TRAPPC11: variants seen among roughly 807,000 people sequenced by gnomAD.
TRAPPC11 encodes foie gras homolog.
Under a neutral mutation model 151.2 loss-of-function variants are expected in TRAPPC11, and 104 were observed. The ratio of observed to expected loss-of-function variants is 0.69; its 90% CI spans 0.59 to 0.81. TRAPPC11 has a LOEUF of 0.81. Among genes scored for constraint, TRAPPC11 ranks in the 30% least tolerant of loss-of-function variants. TRAPPC11 has a pLI of 0.00. For missense variants in TRAPPC11, 1,230 were observed against 1,349.6 expected (o/e 0.91, Z 1.39); for synonymous variants, 456 against 472.3 (o/e 0.97, Z 0.45).
At chr4:183,668,226 CA>C in intron 5 of TRAPPC11, 109 bp downstream of exon 5, 2 of 631,618 alleles carry the variant, frequency 3.2e-6, no homozygotes, top group Admixed American at 6.4e-5. Context: ...GAAAAACATT[CA>C]TATGATACAG....
At chr4:183,661,747 T>C (rs1052698382) in intron 1 of TRAPPC11, among the ~76,000 whole-genome samples, 1 of 149,360 alleles carries the variant, frequency 6.7e-6, no homozygotes, top group Non-Finnish European at 1.5e-5. Context: ...GATAATTTTG[T>C]TTGGAATAAC....
chr4:183,669,308 AAG>A (rs1224332570), intron 5 of TRAPPC11, among the ~76,000 whole-genome samples: 1 of 152,158 alleles, frequency 6.6e-6, no homozygotes, highest in African/African-American at 2.4e-5. Context: ...GAACAGAGAG[AAG>A]AGAGGGGCAG....
chr4:183,672,765 A>G (rs1735215346), intron 5 of TRAPPC11, among the ~76,000 whole-genome samples: 1 of 152,180 alleles, frequency 6.6e-6, no homozygotes, highest in Admixed American at 6.5e-5. Flanking sequence ...CTCTAAGTAC[A>G]CATTCAGCTT....
chr4:183,667,590 A>G (rs565658781), intron 4 of TRAPPC11, among the ~76,000 whole-genome samples: 3 of 152,320 alleles, frequency 2.0e-5, no homozygotes, highest in African/African-American at 7.2e-5. Context: ...AAAATGTCTT[A>G]GTTTCAGATT....
At chr4:183,671,835 A>G (rs925923830) in intron 5 of TRAPPC11, among the ~76,000 whole-genome samples, 3 of 152,250 alleles carry the variant, frequency 2.0e-5, no homozygotes, top group African/African-American at 4.8e-5. Context: ...TGATCTTTAT[A>G]TGAATATTGC....
Position 183,694,000 on chromosome 4 carries a change from A to C in TRAPPC11, c.2470A>C (p.Thr824Pro). The C allele has an allele frequency of 6.2e-7, 1 of 1,614,018 alleles. No homozygotes were observed. The highest frequency in any genetic ancestry group is 8.5e-7 in the Non-Finnish European group (1 of 1,179,884). The stretch of plus-strand genomic sequence containing the variant: ...TGATGAATCCTACCCGGCTTTACTC[A>C]CTGACATTCCTGTTGGAGACTTACA... The part of the protein sequence containing the change: ...LCDESYPALL[T>P]DIPVGDLHPG... The change falls in exon 22 of 30, where the codon ACT becomes CCT. Residue 824 changes from threonine (T) to proline (P), a missense_variant. Coordinates refer to ENST00000334690, the MANE Select transcript of TRAPPC11 (RefSeq NM_021942.6).
intron 15 of TRAPPC11, 60 bp downstream of exon 15, chr4:183,684,901 C>T: frequency 6.6e-7 from 1 of 1,504,952 alleles, no homozygotes; most frequent in Non-Finnish European, 9.1e-7. Flanking sequence ...CATCTTTAAG[C>T]TTTTTAAAAT....
chr4:183,687,244 A>G (rs1736024566), intron 18 of TRAPPC11, among the ~76,000 whole-genome samples: 1 of 151,946 alleles, frequency 6.6e-6, no homozygotes, highest in Non-Finnish European at 1.5e-5. Flanking sequence ...TGCTTACTCC[A>G]ATTTTTGTTT....
chr4:183,692,101 T>C (rs75621664), intron 19 of TRAPPC11, among the ~76,000 whole-genome samples: 2,939 of 152,292 alleles, frequency 0.019, 61 homozygotes, highest in East Asian at 0.062. Flanking sequence ...TGTGTCTCAG[T>C]GTATTCATCT....
chr4:183,660,918 T>C (rs1734466041), intron 1 of TRAPPC11, among the ~76,000 whole-genome samples: 1 of 151,956 alleles, frequency 6.6e-6, no homozygotes, highest in Non-Finnish European at 1.5e-5. Context: ...TTCACCCTAT[T>C]GGCCAGGCTG....
At chr4:183,695,683 AGAG>A (rs1736502931) in intron 23 of TRAPPC11, among the ~76,000 whole-genome samples, 1 of 152,180 alleles carries the variant, frequency 6.6e-6, no homozygotes, top group Non-Finnish European at 1.5e-5. Flanking sequence ...TCAGCCCAGC[AGAG>A]GAGAAGGCCT....
rs75582874 is a variant in TRAPPC11 at position 183,706,695 on chromosome 4, G to A, written c.3056-112G>A. On this transcript the variant is annotated intron_variant, in intron 27 of 29. Transcript: ENST00000334690. ...TCTTATCCGGCAAGAGTACAGTAAC[G>A]TCATTAATTTAAATGATACTATGTC... The A allele has an allele frequency of 4.7e-4, 547 of 1,174,396 alleles. 4 individuals are homozygous for A. In the African/African-American group the frequency reaches 5.9e-3, roughly 13 times the overall value. The allele number at this position is 1,174,396 out of a possible 1,614,324, so 72.7% of individuals were successfully genotyped here.
rs146402163 is a variant in TRAPPC11 at position 183,693,948 on chromosome 4, C to T, written c.2418C>T (p.His806=). 5.4e-5 allele frequency: 87 copies of T among 1,613,846 alleles called. No individual in the cohort carries two copies. The African/African-American group carries it at 7.9e-4, about 15-fold the overall frequency. Residue 806 remains histidine (H), a synonymous_variant, in exon 22 of 30, where the codon CAC becomes CAT. Coordinates refer to ENST00000334690, the MANE Select transcript of TRAPPC11 (RefSeq NM_021942.6). ...ATGCCAATTTAACTCAGAAGACTCA[C>T]GTGACTCTTCATGGAACAGAACTGT... ...GQDANLTQKT[H]VTLHGTELCD...
chr4:183,696,422 G>T (rs938804052), intron 23 of TRAPPC11, among the ~76,000 whole-genome samples: 1 of 151,950 alleles, frequency 6.6e-6, no homozygotes, highest in African/African-American at 2.4e-5. Context: ...TTGACATGGG[G>T]TCTCACTGTG....
At chr4:183,687,286 T>C in intron 18 of TRAPPC11, among the ~76,000 whole-genome samples, 1 of 12,362 alleles carries the variant, frequency 8.1e-5, no homozygotes, top group East Asian at 3.6e-3. Context: ...TTAAGAATTC[T>C]CTGTGTGTGT....
chr4:183,711,990 T>C (rs74525562), intron 29 of TRAPPC11, among the ~76,000 whole-genome samples: 20 of 152,364 alleles, frequency 1.3e-4, no homozygotes, highest in African/African-American at 4.8e-4. Flanking sequence ...TCTGACGTGA[T>C]GTTTTAAATT....
At chr4:183,694,764 G>A (rs1736446265) in intron 23 of TRAPPC11, 41 bp downstream of exon 23, 1 of 1,579,112 alleles carries the variant, frequency 6.3e-7, no homozygotes, top group African/African-American at 1.4e-5. Context: ...CATATGTGGA[G>A]TATTCCCATT....
intron 27 of TRAPPC11, among the ~76,000 whole-genome samples, chr4:183,706,266 G>A (rs186853060): frequency 1.3e-5 from 2 of 152,342 alleles, no homozygotes; most frequent in Admixed American, 6.5e-5. Flanking sequence ...GCTCACGCCT[G>A]TAATCCCAGC....
intron 26 of TRAPPC11, among the ~76,000 whole-genome samples, chr4:183,702,045 G>A (rs1736825837): frequency 6.6e-6 from 1 of 152,124 alleles, no homozygotes; most frequent in Non-Finnish European, 1.5e-5. Flanking sequence ...AAGGGTGTAT[G>A]TATAAGAATG....
Sources: allele counts gnomAD v4.1 joint callset (sites outside exome capture counted in the v4.1 genomes callset), GRCh38; gene constraint gnomAD v4.1.1; transcripts MANE v1.5; gene names NCBI Gene and HGNC (gene_info 2026-07-23, HGNC 2026-07-21).